CRISPLD2: variants seen among roughly 807,000 people sequenced by gnomAD.
CRISPLD2 encodes the protein cysteine rich secretory protein LCCL domain containing 2.
A neutral mutation model predicts 71.1 loss-of-function variants in CRISPLD2; 47 were observed. That is an observed-to-expected ratio of 0.66 (90% CI 0.52 to 0.84). CRISPLD2 has a LOEUF of 0.84. Ranked by LOEUF, CRISPLD2 falls within the 40% of genes least tolerant of loss-of-function variation. CRISPLD2 has a pLI of 0.00. For missense variants in CRISPLD2, 830 were observed against 651.1 expected (o/e 1.27, Z -2.99); for synonymous variants, 317 against 250.1 (o/e 1.27, Z -2.52).
In CRISPLD2 at chr16:84,828,827, T is replaced by C. The variant is rs1301815037; in HGVS notation, c.-75+8694T>C. On this transcript the variant is annotated intron_variant, in intron 1 of 14. Transcript: ENST00000262424. ...TCCAGAATTTTGTATATGCTTAGCA[T>C]AGTATGTAAACAATGAAAAGCATTG... Among the ~76,000 whole-genome samples, 3 of 152,162 alleles carry C rather than the reference T, an allele frequency of 2.0e-5. No individual in the cohort carries two copies. The South Asian group carries it at 6.2e-4, about 31-fold the overall frequency.
At position 84,908,743 on chromosome 16, in the gene CRISPLD2, C is replaced by T. The variant is rs1318107704; in HGVS notation, c.*2101C>T. On this transcript the variant is annotated 3_prime_UTR_variant, in exon 15 of 15. Transcript: ENST00000262424. ...TCACTCTGTTGCCCAAGGTAGAGTG[C>T]AGTGGCGTGATCTCTGCTCATTGCA... 1 of 137,984 alleles carries T rather than the reference C, an allele frequency of 7.2e-6. No individual in the cohort carries two copies. Among genetic ancestry groups the T allele is most frequent in the African/African-American group, 2.8e-5 (1 of 36,284 alleles). 8.5% of individuals were successfully genotyped at this position (137,984 alleles called of 1,614,324 possible).
intron 13 of CRISPLD2, among the ~76,000 whole-genome samples, chr16:84,883,788 G>A (rs2071588319): frequency 1.3e-5 from 2 of 151,952 alleles, no homozygotes; most frequent in Admixed American, 6.6e-5. Context: ...CTTGACTGAC[G>A]CCTACTGAGC....
chr16:84,870,314 G>A (rs536804092), intron 8 of CRISPLD2, among the ~76,000 whole-genome samples: 49 of 151,834 alleles, frequency 3.2e-4, no homozygotes, highest in South Asian at 8.3e-4. Flanking sequence ...TGCTGCCCAT[G>A]TATTTTGTTT....
intron 12 of CRISPLD2, among the ~76,000 whole-genome samples, chr16:84,880,054 G>A (rs2071554856): frequency 6.6e-6 from 1 of 152,072 alleles, no homozygotes; most frequent in South Asian, 2.1e-4. Flanking sequence ...CCCCCGCCTT[G>A]GAATATTCTG....
intron 6 of CRISPLD2, among the ~76,000 whole-genome samples, chr16:84,857,788 A>G (rs1917281430): frequency 6.6e-6 from 1 of 152,250 alleles, no homozygotes; most frequent in South Asian, 2.1e-4. Flanking sequence ...GAAAGAAGGC[A>G]GGGTGGCAGC....
At chr16:84,846,555 G>A (rs1436581785) in intron 3 of CRISPLD2, among the ~76,000 whole-genome samples, 1 of 152,148 alleles carries the variant, frequency 6.6e-6, no homozygotes, top group African/African-American at 2.4e-5. Flanking sequence ...CGCCTGGCCT[G>A]TAGTTTGGGG....
At chr16:84,840,404 C>G (rs901014359) in intron 2 of CRISPLD2, among the ~76,000 whole-genome samples, 3 of 152,230 alleles carry the variant, frequency 2.0e-5, no homozygotes, top group Non-Finnish European at 4.4e-5. Context: ...TTGTACAAAC[C>G]ACACAGCTAC....
chr16:84,874,517 C>G (rs994841934), intron 11 of CRISPLD2, among the ~76,000 whole-genome samples: 2 of 152,198 alleles, frequency 1.3e-5, no homozygotes, highest in Non-Finnish European at 2.9e-5. Context: ...AGGGATGGAT[C>G]ATAGCTGCCC....
chr16:84,878,535 A>G (rs2071541186), intron 12 of CRISPLD2, among the ~76,000 whole-genome samples: 1 of 152,234 alleles, frequency 6.6e-6, no homozygotes, highest in Non-Finnish European at 1.5e-5. Context: ...ATCCTCATGC[A>G]GCATTCCATT....
At chr16:84,866,522 C>A (rs1010325782) in intron 6 of CRISPLD2, among the ~76,000 whole-genome samples, 1 of 152,186 alleles carries the variant, frequency 6.6e-6, no homozygotes, top group Non-Finnish European at 1.5e-5. Flanking sequence ...AGGCATGAGC[C>A]ACCGCACCCG....
intron 6 of CRISPLD2, among the ~76,000 whole-genome samples, chr16:84,865,196 C>G (rs1397755693): frequency 2.0e-5 from 3 of 150,998 alleles, no homozygotes; most frequent in African/African-American, 4.9e-5. Flanking sequence ...CGCTCTGTCG[C>G]CCAGGCTGGA....
At chr16:84,828,727 G>A (rs1916415465) in intron 1 of CRISPLD2, among the ~76,000 whole-genome samples, 1 of 152,058 alleles carries the variant, frequency 6.6e-6, no homozygotes, top group African/African-American at 2.4e-5. Flanking sequence ...TGCATCGAAT[G>A]CACCTGCTTT....
intron 2 of CRISPLD2, chr16:84,839,281 C>A: frequency 3.5e-6 from 1 of 287,504 alleles, no homozygotes; most frequent in South Asian, 3.3e-5. Flanking sequence ...GGTAGCTCCA[C>A]TGGGAACACA....
At chr16:84,897,657 C>T (rs1029172789) in intron 14 of CRISPLD2, among the ~76,000 whole-genome samples, 3 of 152,074 alleles carry the variant, frequency 2.0e-5, no homozygotes, top group Admixed American at 6.6e-5. Context: ...CGCTGTTTTG[C>T]CCAGGCTGGA....
intron 1 of CRISPLD2, among the ~76,000 whole-genome samples, chr16:84,824,195 G>A (rs961844114): frequency 6.6e-6 from 1 of 152,276 alleles, no homozygotes; most frequent in Non-Finnish European, 1.5e-5. Flanking sequence ...GTGGAGAAGG[G>A]CCTGGGACTC....
chr16:84,853,237 A>T (rs1189803243), intron 5 of CRISPLD2, among the ~76,000 whole-genome samples: 1 of 152,148 alleles, frequency 6.6e-6, no homozygotes, highest in Non-Finnish European at 1.5e-5. Context: ...GGACGTACCC[A>T]CGACAGGGCC....
chr16:84,860,391 TC>T (rs1375270829), intron 6 of CRISPLD2, among the ~76,000 whole-genome samples: 2 of 152,188 alleles, frequency 1.3e-5, no homozygotes, highest in Non-Finnish European at 2.9e-5. Context: ...GCAGTTCTTT[TC>T]GAGTGTAGCA....
At chr16:84,878,639 A>T (rs1008304611) in intron 12 of CRISPLD2, among the ~76,000 whole-genome samples, 1 of 152,346 alleles carries the variant, frequency 6.6e-6, no homozygotes, top group East Asian at 1.9e-4. Flanking sequence ...GCCTCCCAGC[A>T]TAAAATAAAG....
chr16:84,879,776 C>T (rs922606640), intron 12 of CRISPLD2, among the ~76,000 whole-genome samples: 1 of 152,196 alleles, frequency 6.6e-6, no homozygotes. Flanking sequence ...TGGCCTTCTT[C>T]CTTCCCATAA....
Sources: gnomAD v4.1 joint callset for allele counts (sites outside exome capture counted in the v4.1 genomes callset) on GRCh38, gnomAD v4.1.1 for gene constraint, MANE v1.5 for transcripts, NCBI Gene and HGNC (gene_info 2026-07-23, HGNC 2026-07-21) for gene names.